Variants in ARMC9 observed in about 807,000 individuals in gnomAD.
ARMC9 encodes armadillo repeat containing 9.
ARMC9 carries 94 observed loss-of-function variants against 107.0 expected under a neutral mutation model. That is an observed-to-expected ratio of 0.88 (90% CI 0.74 to 1.04). The LOEUF (loss-of-function observed/expected upper bound fraction) is 1.04, where lower values mean the gene tolerates loss of function less well. ARMC9 is among the 50% of genes least tolerant of loss of function. The pLI is 0.00. For missense variants in ARMC9, 942 were observed against 1,030.1 expected (o/e 0.91, Z 1.17); for synonymous variants, 380 against 396.9 (o/e 0.96, Z 0.51).
intron 19 of ARMC9, among the ~76,000 whole-genome samples, chr2:231,316,213 C>A (rs182826537): frequency 1.9e-3 from 283 of 149,246 alleles, no homozygotes; most frequent in Non-Finnish European, 3.2e-3. Flanking sequence ...TACATATTTA[C>A]CATTTCCAGT....
At chr2:231,217,218 G>A (rs977427907) in intron 5 of ARMC9, among the ~76,000 whole-genome samples, 2 of 152,196 alleles carry the variant, frequency 1.3e-5, no homozygotes, top group African/African-American at 2.4e-5. Context: ...GACATGCTAT[G>A]TGATTCCCTT....
At chr2:231,276,513 G>A (rs767588097) in intron 14 of ARMC9, 123 bp from the exon 15 acceptor site, 324 of 1,321,064 alleles carry the variant, frequency 2.5e-4, no homozygotes, top group Non-Finnish European at 3.0e-4. Flanking sequence ...CAGGTGATCC[G>A]TCCGCCTTGG....
intron 19 of ARMC9, among the ~76,000 whole-genome samples, chr2:231,325,634 G>T (rs1368211162): frequency 6.6e-6 from 1 of 152,054 alleles, no homozygotes. Flanking sequence ...CTGCTGCTTT[G>T]GTTCACAAGG....
chr2:231,244,111 G>T (rs929943558), intron 9 of ARMC9, among the ~76,000 whole-genome samples: 1 of 152,036 alleles, frequency 6.6e-6, no homozygotes, highest in African/African-American at 2.4e-5. Flanking sequence ...GCTTGGGCTG[G>T]GCCCTTTCAC....
intron 15 of ARMC9, 78 bp from the exon 16 acceptor site, chr2:231,278,304 G>T: frequency 7.0e-7 from 1 of 1,436,782 alleles, no homozygotes; most frequent in East Asian, 2.3e-5. Context: ...GCCAAGATTT[G>T]TCTCCAAGTC....
intron 9 of ARMC9, 75 bp downstream of exon 9, chr2:231,240,116 A>G: frequency 7.9e-7 from 1 of 1,257,896 alleles, no homozygotes; most frequent in Non-Finnish European, 1.1e-6. Context: ...CTTTAAAAAT[A>G]GCATGAAAAA....
At chr2:231,266,792 A>C (rs183991869) in intron 12 of ARMC9, among the ~76,000 whole-genome samples, 18 of 152,300 alleles carry the variant, frequency 1.2e-4, no homozygotes, top group Admixed American at 1.0e-3. Context: ...TTTCCTTTTT[A>C]AGGCTAACAT....
chr2:231,263,160 A>T (rs920537233), intron 12 of ARMC9, among the ~76,000 whole-genome samples: 1 of 152,184 alleles, frequency 6.6e-6, no homozygotes, highest in African/African-American at 2.4e-5. Context: ...TTTCAGTTGA[A>T]TTTTTATCCA....
chr2:231,306,506 A>G (rs967526760), intron 19 of ARMC9, among the ~76,000 whole-genome samples: 1 of 152,238 alleles, frequency 6.6e-6, no homozygotes, highest in Non-Finnish European at 1.5e-5. Flanking sequence ...AATTTGAGAC[A>G]AGAAATAGAA....
At chr2:231,237,206 G>GTGTGTGTGTA (rs992849522) in intron 8 of ARMC9, among the ~76,000 whole-genome samples, 2 of 150,130 alleles carry the variant, frequency 1.3e-5, no homozygotes, top group Non-Finnish European at 3.0e-5. Flanking sequence ...GTGTGTGTGT[G>GTGTGTGTGTA]TACACACATG....
Position 231,214,861 on chromosome 2 carries a change from G to T in ARMC9, c.208G>T (p.Asp70Tyr). The change falls in exon 4 of 25, where the codon GAC becomes TAC. Residue 70 changes from aspartate (D) to tyrosine (Y), a missense_variant. Asp to Tyr is a radical substitution (Grantham distance 160, BLOSUM62 -3). Coordinates refer to ENST00000611582, the MANE Select transcript of ARMC9 (RefSeq NM_001352754.2). ...KDLVAAFDNG[D>Y]QKVFFDLWEE... ...TCTTGTCGCTGCATTTGACAACGGA[G>T]ACCAGAAGGTGTTCTTCGATCTGTG... The T allele has an allele frequency of 6.2e-7, 1 of 1,614,176 alleles. No individual in the cohort carries two copies. Among genetic ancestry groups the T allele is most frequent in the Non-Finnish European group, 8.5e-7 (1 of 1,180,034 alleles).
chr2:231,213,164 C>CTTTT (rs72180870), intron 3 of ARMC9, among the ~76,000 whole-genome samples: 2 of 137,684 alleles, frequency 1.5e-5, no homozygotes, highest in East Asian at 2.1e-4. Flanking sequence ...AACGTTTTTT[C>CTTTT]TTTTTTTTTT....
At chr2:231,303,471 A>G (rs767210763) in intron 19 of ARMC9, among the ~76,000 whole-genome samples, 4 of 152,214 alleles carry the variant, frequency 2.6e-5, no homozygotes, top group Non-Finnish European at 4.4e-5. Context: ...TTCTCCATCT[A>G]GTACAGCGTT....
chr2:231,369,878 G>A, intron 23 of ARMC9, 75 bp from the exon 24 acceptor site: 6 of 1,337,916 alleles, frequency 4.5e-6, no homozygotes, highest in Non-Finnish European at 5.8e-6. Flanking sequence ...ATAGGCGGGA[G>A]CCACCACACC....
At chr2:231,200,040 C>T (rs2030565696) in intron 1 of ARMC9, among the ~76,000 whole-genome samples, 1 of 152,136 alleles carries the variant, frequency 6.6e-6, no homozygotes, top group South Asian at 2.1e-4. Flanking sequence ...GGATACCCAG[C>T]AGCACTCACA....
At chr2:231,328,171 T>C (rs2043462203) in intron 19 of ARMC9, among the ~76,000 whole-genome samples, 1 of 152,230 alleles carries the variant, frequency 6.6e-6, no homozygotes, top group African/African-American at 2.4e-5. Context: ...TTGAACATCT[T>C]TTCATGTGCT....
chr2:231,204,863 A>C (rs931259081), intron 1 of ARMC9, among the ~76,000 whole-genome samples: 5 of 152,080 alleles, frequency 3.3e-5, no homozygotes, highest in African/African-American at 1.2e-4. Context: ...GCTCAGGTTT[A>C]CAGAACAAAT....
intron 9 of ARMC9, among the ~76,000 whole-genome samples, chr2:231,241,466 G>A (rs1049162709): frequency 3.3e-5 from 5 of 152,038 alleles, no homozygotes; most frequent in African/African-American, 1.2e-4. Flanking sequence ...CACAGGCTGC[G>A]TGGGTGAAGC....
In ARMC9 at chr2:231,344,283, A is replaced by C. The variant is rs542548818; in HGVS notation, c.1879-692A>C. Among the ~76,000 whole-genome samples the C allele has an allele frequency of 2.0e-5, 3 of 152,340 alleles. No homozygotes were observed. In the South Asian group the frequency reaches 6.2e-4, roughly 32 times the overall value. ...GTGTTAATCATTAAACTAGTGTTTTAAACTATTGGGAGCAGTGGACGGGAT... is the reference window on the plus strand; with the variant it reads ...GTGTTAATCATTAAACTAGTGTTTTCAACTATTGGGAGCAGTGGACGGGAT... On this transcript the variant is annotated intron_variant, in intron 20 of 24. Transcript: ENST00000611582.
Sources: gnomAD v4.1 joint callset for allele counts (sites outside exome capture counted in the v4.1 genomes callset) on GRCh38, gnomAD v4.1.1 for gene constraint, MANE v1.5 for transcripts, NCBI Gene and HGNC (gene_info 2026-07-23, HGNC 2026-07-21) for gene names.